The following RIMS1 variants were observed in gnomAD, a reference collection of about 807,000 sequenced individuals.
RIMS1 encodes regulating synaptic membrane exocytosis 1.
Under a neutral mutation model 214.1 loss-of-function variants are expected in RIMS1, and 83 were observed. The ratio of observed to expected loss-of-function variants is 0.39; its 90% CI spans 0.32 to 0.47. RIMS1 has a LOEUF of 0.47. Among genes scored for constraint, RIMS1 ranks in the 20% least tolerant of loss-of-function variants. The probability of loss-of-function intolerance (pLI) is 0.99; values close to 1 mark genes in which losing one functional copy is unlikely to be tolerated. For missense variants in RIMS1, 2,050 were observed against 2,161.8 expected (o/e 0.95, Z 1.03); for synonymous variants, 793 against 786.8 (o/e 1.01, Z -0.13).
intron 2 of RIMS1, among the ~76,000 whole-genome samples, chr6:72,016,043 T>C (rs1409113121): frequency 6.7e-6 from 1 of 149,754 alleles, no homozygotes; most frequent in African/African-American, 2.4e-5. Flanking sequence ...TTCAAATGCT[T>C]TATCTGCATC....
chr6:72,096,295 C>T (rs571506472), intron 2 of RIMS1, among the ~76,000 whole-genome samples: 1 of 152,096 alleles, frequency 6.6e-6, no homozygotes, highest in Non-Finnish European at 1.5e-5. Context: ...GAACTAGGAG[C>T]TCAAATATAA....
At chr6:72,335,771 G>A (rs1316536031) in intron 29 of RIMS1, among the ~76,000 whole-genome samples, 1 of 151,984 alleles carries the variant, frequency 6.6e-6, no homozygotes, top group Non-Finnish European at 1.5e-5. Flanking sequence ...CATTCTAAAT[G>A]GTGTGAGATG....
intron 30 of RIMS1, 160 bp downstream of exon 30, chr6:72,390,896 A>G (rs537046468): frequency 8.6e-6 from 6 of 697,626 alleles, no homozygotes; most frequent in South Asian, 2.2e-5. Context: ...GTAAGTACAC[A>G]TGGACACACC....
intron 4 of RIMS1, among the ~76,000 whole-genome samples, chr6:72,135,997 C>A (rs1326649800): frequency 6.6e-6 from 1 of 151,820 alleles, no homozygotes; most frequent in African/African-American, 2.4e-5. Flanking sequence ...TTGCATACAC[C>A]AAATAAAAAC....
At chr6:71,956,296 C>T (rs1244778498) in intron 1 of RIMS1, among the ~76,000 whole-genome samples, 1 of 152,000 alleles carries the variant, frequency 6.6e-6, no homozygotes, top group East Asian at 1.9e-4. Context: ...TTCTTTCTTT[C>T]TTTCCACAAT....
At chr6:72,029,075 C>T (rs1283456761) in intron 2 of RIMS1, among the ~76,000 whole-genome samples, 1 of 152,046 alleles carries the variant, frequency 6.6e-6, no homozygotes, top group Non-Finnish European at 1.5e-5. Flanking sequence ...AAGAGTTTTG[C>T]TTGGAAACTC....
At chr6:72,166,544 G>T (rs1043604100) in intron 4 of RIMS1, among the ~76,000 whole-genome samples, 9 of 151,844 alleles carry the variant, frequency 5.9e-5, no homozygotes, top group Non-Finnish European at 8.8e-5. Flanking sequence ...ATGAATTTTG[G>T]TTTTTTGGGT....
At chr6:72,115,323 A>C (rs548864068) in intron 4 of RIMS1, among the ~76,000 whole-genome samples, 11 of 152,082 alleles carry the variant, frequency 7.2e-5, no homozygotes, top group African/African-American at 2.4e-4. Flanking sequence ...GCATCTATTG[A>C]GAATTCTGTG....
intron 12 of RIMS1, among the ~76,000 whole-genome samples, chr6:72,249,089 T>C (rs2071742221): frequency 6.6e-6 from 1 of 152,214 alleles, no homozygotes; most frequent in African/African-American, 2.4e-5. Flanking sequence ...ATTCTTAATC[T>C]GTTCCTTACC....
In RIMS1 at chr6:72,245,179, A is replaced by G. The variant is rs571566254; in HGVS notation, c.2082-636A>G. Among the ~76,000 whole-genome samples the G allele has an allele frequency of 9.9e-5, 15 of 152,008 alleles. No individual in the cohort carries two copies. In the South Asian group the frequency reaches 2.5e-3, roughly 25 times the overall value. On this transcript the variant is annotated intron_variant, in intron 10 of 33. Transcript: ENST00000521978. ...TGGTCTCACAAGTCACTTTCTAACC[A>G]TATGGTAAATAGTCATATATTTAGC...
intron 4 of RIMS1, among the ~76,000 whole-genome samples, chr6:72,129,074 T>C (rs2040044272): frequency 6.6e-6 from 1 of 152,164 alleles, no homozygotes; most frequent in African/African-American, 2.4e-5. Flanking sequence ...ATTGTTTCCT[T>C]CAAAATTGTT....
At chr6:72,059,035 C>G (rs975106630) in intron 2 of RIMS1, among the ~76,000 whole-genome samples, 12 of 152,146 alleles carry the variant, frequency 7.9e-5, no homozygotes, top group African/African-American at 2.4e-4. Flanking sequence ...AAAGGAACCT[C>G]CATTCAGAAC....
At chr6:72,044,867 G>C (rs1330802302) in intron 2 of RIMS1, among the ~76,000 whole-genome samples, 1 of 151,776 alleles carries the variant, frequency 6.6e-6, no homozygotes, top group Non-Finnish European at 1.5e-5. Context: ...TAGCCAAGAG[G>C]AAGAAAAACT....
intron 29 of RIMS1, among the ~76,000 whole-genome samples, chr6:72,340,957 G>C (rs571877023): frequency 2.0e-5 from 3 of 151,396 alleles, no homozygotes; most frequent in Non-Finnish European, 3.0e-5. Flanking sequence ...CTTTTATTTC[G>C]TTGAGCAGTG....
chr6:72,337,368 T>A (rs1161899738), intron 29 of RIMS1, among the ~76,000 whole-genome samples: 3 of 151,786 alleles, frequency 2.0e-5, no homozygotes, highest in Non-Finnish European at 4.4e-5. Context: ...CTGTGCAAAG[T>A]CATTTCTAAA....
intron 29 of RIMS1, among the ~76,000 whole-genome samples, chr6:72,362,709 T>C (rs2097864215): frequency 6.6e-6 from 1 of 152,204 alleles, no homozygotes; most frequent in South Asian, 2.1e-4. Flanking sequence ...GTAGAACTCT[T>C]GTCAAAATTT....
chr6:72,160,844 C>CT (rs1451198589), intron 4 of RIMS1, among the ~76,000 whole-genome samples: 1 of 139,954 alleles, frequency 7.1e-6, no homozygotes, highest in Admixed American at 7.3e-5. Context: ...CTGAAATTCT[C>CT]TTTTTTTGTT....
At position 72,179,889 on chromosome 6, in the gene RIMS1, G is replaced by A. The variant is rs1588632247; in HGVS notation, c.786G>A (p.Arg262=). ...CTGAACAGAAGCAGGCTTCATCCAG[G>A]TCTAGAAGTGAACCTCCTAGAGAGA... The part of the protein sequence containing the change: ...LGPEQKQASS[R]SRSEPPRERK... Residue 262 remains arginine (R), a synonymous_variant, in exon 5 of 34, where the codon AGG becomes AGA. Transcript: ENST00000521978. The A allele has an allele frequency of 3.9e-6, 6 of 1,550,776 alleles. No homozygotes were observed. Among genetic ancestry groups the A allele is most frequent in the Non-Finnish European group, 5.2e-6 (6 of 1,150,524 alleles).
chr6:71,983,652 C>A lies in RIMS1; in HGVS notation c.245+14589C>A, dbSNP rs187296524. Among the ~76,000 whole-genome samples, 30 of 152,254 alleles carry A rather than the reference C, an allele frequency of 2.0e-4. No homozygotes were observed. The East Asian group carries it at 4.6e-3, about 24-fold the overall frequency. ...AACAAGAGAAATGACTACTTGCCAT[C>A]TTCTTTGTGTTTTCTTTCCAGACTG... is the stretch of plus-strand genomic sequence containing the variant. On this transcript the variant is annotated intron_variant, in intron 2 of 33. Transcript: ENST00000521978.
Sources: allele counts gnomAD v4.1 joint callset (sites outside exome capture counted in the v4.1 genomes callset), GRCh38; gene constraint gnomAD v4.1.1; transcripts MANE v1.5; gene names NCBI Gene and HGNC (gene_info 2026-07-23, HGNC 2026-07-21).